PARVB: variants seen among roughly 807,000 people sequenced by gnomAD.
The protein encoded by PARVB is beta-parvin.
In PARVB, 46 loss-of-function variants were observed where a neutral mutation model predicts 47.0. The observed-to-expected ratio is 0.98, with a 90% CI of 0.77 to 1.25. The LOEUF (loss-of-function observed/expected upper bound fraction) is 1.25, where lower values mean the gene tolerates loss of function less well. Among genes scored for constraint, PARVB ranks in the 50% most tolerant of loss-of-function variants. The probability of loss-of-function intolerance (pLI) is 0.00; values close to 1 mark genes in which losing one functional copy is unlikely to be tolerated. For synonymous variants in PARVB, 196 were observed against 196.3 expected, an observed-to-expected ratio of 1.00 and a Z score of 0.01; for missense variants, 473 against 471.6, an observed-to-expected ratio of 1.00 and a Z score of -0.03.
chr22:44,066,843 C>T (rs547045184), intron 1 of PARVB, among the ~76,000 whole-genome samples: 3 of 144,554 alleles, frequency 2.1e-5, no homozygotes, highest in East Asian at 2.6e-4. Context: ...ATCTCCTCCT[C>T]TCTTCTTCTT....
At chr22:44,101,697 G>C (rs182008172) in intron 3 of PARVB, among the ~76,000 whole-genome samples, 1 of 150,094 alleles carries the variant, frequency 6.7e-6, no homozygotes, top group Non-Finnish European at 1.5e-5. Context: ...GCGTTGAGCC[G>C]AGATCTCGCC....
chr22:44,098,867 A>C (rs1437517817), intron 2 of PARVB, among the ~76,000 whole-genome samples: 7 of 151,952 alleles, frequency 4.6e-5, no homozygotes, highest in African/African-American at 1.7e-4. Context: ...AGAGACAGGG[A>C]TTTCACTATG....
In PARVB at chr22:44,155,217, G is replaced by A. The variant is rs988693903; in HGVS notation, c.844-2765G>A. 4.6e-5 allele frequency among the ~76,000 whole-genome samples: 7 copies of A among 152,188 alleles called. No homozygotes were observed. The highest frequency in any genetic ancestry group is 7.2e-5 in the African/African-American group (3 of 41,434). On this transcript the variant is annotated intron_variant, in intron 10 of 12. Transcript: ENST00000338758. The surrounding 1 kb of genome is among the most constrained non-coding windows in gnomAD (Gnocchi z 4.8). ...TCCACAGAATTAAACTGGAGGCGAT[G>A]GGCAGTGTGAGGACTGGGTGAGATG...
chr22:44,162,205 G>A (rs550730689), intron 11 of PARVB, among the ~76,000 whole-genome samples: 63 of 152,342 alleles, frequency 4.1e-4, no homozygotes, highest in Non-Finnish European at 8.2e-4. Flanking sequence ...TTAACTCAGG[G>A]AAGCCTCTTT....
upstream of PARVB, among the ~76,000 whole-genome samples, chr22:44,022,695 C>A (rs2050664307): frequency 6.6e-6 from 1 of 152,060 alleles, no homozygotes; most frequent in African/African-American, 2.4e-5. Context: ...TCCACCATGG[C>A]CTGGCAGGAC....
chr22:44,093,898 AC>A lies in PARVB; in HGVS notation c.113-28del, dbSNP rs751467439. 97 of 1,509,986 alleles carry A rather than the reference AC, an allele frequency of 6.4e-5. 1 individual carries two copies. Among genetic ancestry groups the A allele is most frequent in the Non-Finnish European group, 7.7e-5 (84 of 1,087,750 alleles). 93.5% of individuals were successfully genotyped at this position (1,509,986 alleles called of 1,614,324 possible). A position where few individuals can be genotyped will look rare whatever the true frequency, so the allele number is the denominator to read the frequency against. On this transcript the variant is annotated intron_variant, in intron 1 of 12. Transcript: ENST00000338758. ...AGGCCACGGCACTCCGTGTATACTA[AC>A]CTGGTTTTTCTTTCCTTTTGCTCAA...
intron 2 of PARVB, among the ~76,000 whole-genome samples, chr22:44,002,996 C>T (rs1336191620): frequency 1.3e-5 from 2 of 152,142 alleles, no homozygotes; most frequent in African/African-American, 2.4e-5. Context: ...GAAAAATAGT[C>T]ATGATTTTTG....
intron 2 of PARVB, among the ~76,000 whole-genome samples, chr22:44,016,322 T>G (rs1416152625): frequency 2.6e-5 from 4 of 151,960 alleles, no homozygotes; most frequent in African/African-American, 4.8e-5. Context: ...GGTCTCGATC[T>G]CCTGACTTCG....
At chr22:44,142,368 ACT>A (rs1319399297) in intron 8 of PARVB, 1 of 111,648 alleles carries the variant, frequency 9.0e-6, no homozygotes, top group African/African-American at 3.6e-5. Flanking sequence ...ACAGAGCAAG[ACT>A]CTGTCTCAAA....
At chr22:44,159,799 G>A (rs1364028425) in intron 11 of PARVB, among the ~76,000 whole-genome samples, 5 of 152,174 alleles carry the variant, frequency 3.3e-5, no homozygotes, top group South Asian at 2.1e-4. Context: ...CCCAACACCC[G>A]TGTACTCAAA....
At chr22:44,166,966 G>A (rs1452906889) in intron 12 of PARVB, among the ~76,000 whole-genome samples, 1 of 152,218 alleles carries the variant, frequency 6.6e-6, no homozygotes, top group East Asian at 1.9e-4. Context: ...CTGGTGGGGA[G>A]GGAGGCAGTG....
intron 5 of PARVB, among the ~76,000 whole-genome samples, chr22:44,132,056 C>A (rs938281605): frequency 1.4e-4 from 22 of 152,310 alleles, no homozygotes; most frequent in Admixed American, 6.5e-4. Context: ...GACATGAACC[C>A]GGCAGGTGAA....
chr22:44,137,288 G>C (rs955508576), intron 7 of PARVB, among the ~76,000 whole-genome samples: 4 of 152,168 alleles, frequency 2.6e-5, no homozygotes, highest in Admixed American at 6.5e-5. Flanking sequence ...TGGAGTGCAG[G>C]CTGATGCATG....
chr22:44,160,917 T>G lies in PARVB; in HGVS notation c.945+2834T>G, dbSNP rs142542021. Among the ~76,000 whole-genome samples the G allele has an allele frequency of 1.3e-3, 198 of 152,308 alleles. 2 individuals are homozygous for G. Among genetic ancestry groups the G allele is most frequent in the African/African-American group, 4.5e-3 (188 of 41,574 alleles). On this transcript the variant is annotated intron_variant, in intron 11 of 12. Transcript: ENST00000338758. ...CATGCATCTCATCCCCAGCCCCTCC[T>G]GAGCATCCACTCCCTCAGCGTGGAA...
At chr22:44,018,631 G>C (rs987628671) in intron 2 of PARVB, among the ~76,000 whole-genome samples, 2 of 152,144 alleles carry the variant, frequency 1.3e-5, no homozygotes, top group African/African-American at 4.8e-5. Context: ...TGTAGCCTCA[G>C]CACCCCTTTT....
In PARVB at chr22:44,168,809, C is replaced by G. The variant is rs2054230974; in HGVS notation, c.*131C>G. The G allele has an allele frequency of 3.1e-6, 2 of 637,198 alleles. No individual in the cohort carries two copies. The highest frequency in any genetic ancestry group is 2.5e-5 in the Admixed American group (1 of 39,600). 39.5% of individuals were successfully genotyped at this position (637,198 alleles called of 1,614,324 possible). ...GCTGTGTTGACTGTCATCCCCACCCCACCCCTACCTCACGCCTGCCCCACC... is the reference window on the plus strand; with the variant it reads ...GCTGTGTTGACTGTCATCCCCACCCGACCCCTACCTCACGCCTGCCCCACC... On this transcript the variant is annotated 3_prime_UTR_variant, in exon 13 of 13. Transcript: ENST00000338758.
At chr22:44,144,289 A>G (rs1226338706) in intron 8 of PARVB, 1 of 152,182 alleles carries the variant, frequency 6.6e-6, no homozygotes, top group Admixed American at 6.5e-5. Flanking sequence ...GAGTGTCTAG[A>G]TTATGCAATG....
rs559709324 is a variant in PARVB, at chr22:44,109,537, G to T, written c.273+9414G>T. 3.0e-4 allele frequency: 46 copies of T among 152,282 alleles called. 1 individual carries two copies. The highest frequency in any genetic ancestry group is 1.0e-3 in the African/African-American group (43 of 41,542). 9.4% of individuals were successfully genotyped at this position (152,282 alleles called of 1,614,324 possible). ...ATAGCAGATTAAGATGGATGGCCTG[G>T]GAAGTACAGTGGCAGCGTGTGCTGT... On this transcript the variant is annotated intron_variant, in intron 3 of 12. Coordinates refer to ENST00000338758, the MANE Select transcript of PARVB (RefSeq NM_013327.5).
chr22:44,058,481 T>C (rs1273903806), intron 1 of PARVB, among the ~76,000 whole-genome samples: 1 of 152,092 alleles, frequency 6.6e-6, no homozygotes, highest in Non-Finnish European at 1.5e-5. Flanking sequence ...CGAACTTGAT[T>C]ACATCTGCAA....
Sources: allele counts gnomAD v4.1 joint callset (sites outside exome capture counted in the v4.1 genomes callset), GRCh38; gene constraint gnomAD v4.1.1; non-coding constraint Gnocchi (gnomAD v3.1); transcripts MANE v1.5; gene names NCBI Gene and HGNC (gene_info 2026-07-23, HGNC 2026-07-21).